CFAP54: variants seen among roughly 807,000 people sequenced by gnomAD.
CFAP54 encodes cilia- and flagella-associated protein 54.
A neutral mutation model predicts 370.4 loss-of-function variants in CFAP54; 290 were observed. The observed-to-expected ratio is 0.78, with a 90% confidence interval of 0.71 to 0.86. The LOEUF is 0.86. Among genes scored for constraint, CFAP54 ranks in the 40% least tolerant of loss-of-function variants. CFAP54 has a pLI of 0.00. For missense variants in CFAP54, 3,399 were observed against 3,528.7 expected (o/e 0.96, Z 0.93); for synonymous variants, 1,206 against 1,236.5 (o/e 0.98, Z 0.52).
chr12:96,791,051 G>T (rs1353937581), intron 62 of CFAP54, among the ~76,000 whole-genome samples: 1 of 152,122 alleles, frequency 6.6e-6, no homozygotes, highest in Non-Finnish European at 1.5e-5. Context: ...AATACTGCTT[G>T]GTCCTCAAAC....
chr12:96,597,668 A>C (rs773792471), intron 25 of CFAP54, among the ~76,000 whole-genome samples: 5 of 151,748 alleles, frequency 3.3e-5, no homozygotes. Flanking sequence ...AGCATTTCTC[A>C]CCAGACATGG....
rs751944607 is a variant in CFAP54, at chr12:96,743,787, C to T, written c.7434C>T (p.Thr2478=). Residue 2478 remains threonine, a synonymous_variant, in exon 54 of 68, where the codon ACC becomes ACT. Transcript: ENST00000524981. ...TTATTTCTCCTCAATCACGGCTAAC[C>T]CTGGCAAGAAGCCTAGTTTTGCTGG... ...NEFISPQSRL[T]LARSLVLLDD... 1.9e-6 allele frequency: 3 copies of T among 1,613,676 alleles called. No individual in the cohort carries two copies. The highest frequency in any genetic ancestry group is 1.1e-5 in the South Asian group (1 of 91,048).
chr12:96,825,098 T>C (rs1162916578), intron 65 of CFAP54, among the ~76,000 whole-genome samples: 1 of 150,408 alleles, frequency 6.6e-6, no homozygotes, highest in African/African-American at 2.4e-5. Context: ...AGTTGCACTA[T>C]TTTTTTCAAG....
chr12:96,833,111 G>T (rs148027545), intron 66 of CFAP54, among the ~76,000 whole-genome samples: 2 of 152,302 alleles, frequency 1.3e-5, no homozygotes, highest in African/African-American at 4.8e-5. Context: ...TGAAGGAAGG[G>T]AACGAGTGCC....
chr12:96,706,290 G>T (rs1347304411), intron 47 of CFAP54, among the ~76,000 whole-genome samples: 1 of 152,186 alleles, frequency 6.6e-6, no homozygotes, highest in African/African-American at 2.4e-5. Context: ...AAAGGGAATT[G>T]GGAGCATGGG....
At chr12:96,781,520 C>T (rs1958580806) in intron 60 of CFAP54, among the ~76,000 whole-genome samples, 1 of 151,764 alleles carries the variant, frequency 6.6e-6, no homozygotes, top group Non-Finnish European at 1.5e-5. Flanking sequence ...AACTTATTGA[C>T]AAAACAATGA....
At chr12:96,603,117 G>A (rs751606625) in intron 26 of CFAP54, among the ~76,000 whole-genome samples, 2 of 152,158 alleles carry the variant, frequency 1.3e-5, no homozygotes, top group African/African-American at 2.4e-5. Context: ...TCTATGTTTA[G>A]TGCTTCCTTC....
chr12:96,835,110 C>A (rs1261533818), intron 66 of CFAP54, among the ~76,000 whole-genome samples: 3 of 151,914 alleles, frequency 2.0e-5, no homozygotes, highest in Admixed American at 6.6e-5. Context: ...CTGATGTTTG[C>A]AGCTTTCAGC....
intron 19 of CFAP54, among the ~76,000 whole-genome samples, chr12:96,565,357 C>G (rs1307846276): frequency 6.6e-6 from 1 of 152,080 alleles, no homozygotes; most frequent in Non-Finnish European, 1.5e-5. Flanking sequence ...CCTCAGCCTT[C>G]CAGTGGGTGG....
intron 32 of CFAP54, among the ~76,000 whole-genome samples, chr12:96,633,060 C>G (rs886082935): frequency 2.0e-5 from 3 of 151,970 alleles, no homozygotes; most frequent in Non-Finnish European, 2.9e-5. Flanking sequence ...GATTTTTTTG[C>G]GTACTGATCT....
chr12:96,599,419 T>G (rs1956216677), intron 26 of CFAP54, among the ~76,000 whole-genome samples: 1 of 152,184 alleles, frequency 6.6e-6, no homozygotes, highest in African/African-American at 2.4e-5. Flanking sequence ...TGATGGACAT[T>G]TGGGTTGGTT....
intron 26 of CFAP54, among the ~76,000 whole-genome samples, chr12:96,609,445 A>T (rs1247114349): frequency 6.6e-6 from 1 of 152,240 alleles, no homozygotes; most frequent in African/African-American, 2.4e-5. Flanking sequence ...TTGAATAATG[A>T]CAAAGACATT....
chr12:96,765,287 T>C, intron 60 of CFAP54, 69 bp downstream of exon 60: 1 of 1,307,012 alleles, frequency 7.7e-7, no homozygotes, highest in South Asian at 2.2e-5. Context: ...GTTTCAAAGA[T>C]TTAATTGTAA....
chr12:96,670,849 T>C (rs147826413), intron 39 of CFAP54, among the ~76,000 whole-genome samples: 185 of 152,334 alleles, frequency 1.2e-3, no homozygotes, highest in African/African-American at 4.2e-3. Context: ...AGGGCCTTGT[T>C]CTAGCTGTTT....
chr12:96,501,147 T>G, intron 2 of CFAP54: 1 of 409,072 alleles, frequency 2.4e-6, no homozygotes, highest in African/African-American at 2.0e-5. Flanking sequence ...AGGTGAGACA[T>G]TCCTGAACAG....
At chr12:96,728,148 A>T (rs1208112041) in intron 50 of CFAP54, among the ~76,000 whole-genome samples, 1 of 151,916 alleles carries the variant, frequency 6.6e-6, no homozygotes, top group Non-Finnish European at 1.5e-5. Flanking sequence ...TCTGACAATT[A>T]TGTGTCTTGG....
At chr12:96,648,516 G>A (rs796893714) in intron 34 of CFAP54, among the ~76,000 whole-genome samples, 8 of 149,550 alleles carry the variant, frequency 5.3e-5, no homozygotes, top group African/African-American at 1.7e-4. Context: ...GATGAATGAA[G>A]CCTTGTTATC....
At chr12:96,704,458 A>G (rs1163469489) in intron 46 of CFAP54, among the ~76,000 whole-genome samples, 197 of 12,346 alleles carry the variant, frequency 0.016, 7 homozygotes, top group South Asian at 0.029. Flanking sequence ...GTGTGTATAT[A>G]TATATATATA....
chr12:96,569,632 C>A (rs921921665), intron 19 of CFAP54, among the ~76,000 whole-genome samples: 2 of 152,190 alleles, frequency 1.3e-5, no homozygotes, highest in Non-Finnish European at 2.9e-5. Context: ...GGAACCTAAA[C>A]AAATCTGTAG....
Sources: allele counts gnomAD v4.1 joint callset (sites outside exome capture counted in the v4.1 genomes callset), GRCh38; gene constraint gnomAD v4.1.1; transcripts MANE v1.5; gene names NCBI Gene and HGNC (gene_info 2026-07-23, HGNC 2026-07-21).